PCDHGB3: variants seen among roughly 807,000 people sequenced by gnomAD.
PCDHGB3 encodes the protein protocadherin gamma-B3.
A neutral mutation model predicts 59.2 loss-of-function variants in PCDHGB3; 40 were observed. The observed-to-expected ratio is 0.68, with a 90% CI of 0.52 to 0.88. The LOEUF (loss-of-function observed/expected upper bound fraction) is 0.88, where lower values mean the gene tolerates loss of function less well. Ranked by LOEUF, PCDHGB3 falls within the 40% of genes least tolerant of loss-of-function variation. The pLI, the probability that PCDHGB3 is intolerant of heterozygous loss-of-function variation, is 0.00. For missense variants in PCDHGB3, 1,309 were observed against 1,187.9 expected, an observed-to-expected ratio of 1.10 and a Z score of -1.50; for synonymous variants, 581 against 503.6, an observed-to-expected ratio of 1.15 and a Z score of -2.06.
At chr5:141,394,596 G>A (rs1485546922) in intron 1 of PCDHGB3, 2 of 1,613,702 alleles carry the variant, frequency 1.2e-6, no homozygotes, top group Non-Finnish European at 1.7e-6. Flanking sequence ...GGTGGCGGTG[G>A]ACAGAGACTC....
Position 141,370,997 on chromosome 5 carries a change from C to T in PCDHGB3, c.603C>T (p.Asp201=). 3.1e-6 allele frequency: 5 copies of T among 1,613,984 alleles called. No individual in the cohort carries two copies. The highest frequency in any genetic ancestry group is 4.2e-6 in the Non-Finnish European group (5 of 1,179,900). ...YPELVLKAPL[D]REEQPHHHLV... Reference sequence around the variant, plus strand: ...AGCTAGTACTGAAAGCACCCCTGGACAGGGAAGAGCAGCCACATCACCACC... The same window carrying T: ...AGCTAGTACTGAAAGCACCCCTGGATAGGGAAGAGCAGCCACATCACCACC... The change falls in exon 1 of 4, where the codon GAC becomes GAT. Residue 201 remains aspartate (D), a synonymous_variant. Coordinates refer to ENST00000576222, the MANE Select transcript of PCDHGB3 (RefSeq NM_018924.5).
intron 1 of PCDHGB3, chr5:141,417,635 G>C (rs1195744332): frequency 1.4e-6 from 1 of 724,902 alleles, no homozygotes; most frequent in Non-Finnish European, 2.1e-6. Flanking sequence ...CTGACGCCGG[G>C]GATCCCTCAG....
chr5:141,496,287 C>T (rs768553690), intron 2 of PCDHGB3, among the ~76,000 whole-genome samples: 3 of 152,200 alleles, frequency 2.0e-5, no homozygotes, highest in Non-Finnish European at 4.4e-5. Flanking sequence ...TTGGTCTGAG[C>T]AGAGTGGGAT....
chr5:141,405,333 CTGTT>C (rs1203111813), intron 1 of PCDHGB3: 18 of 1,614,204 alleles, frequency 1.1e-5, no homozygotes, highest in Non-Finnish European at 1.4e-5. Flanking sequence ...TTGTGCGTCT[CTGTT>C]GATTCCAAGT....
intron 1 of PCDHGB3, chr5:141,419,467 C>T: frequency 6.2e-7 from 1 of 1,612,476 alleles, no homozygotes; most frequent in Non-Finnish European, 8.5e-7. Context: ...AGGCCCGCGA[C>T]CAGGGCTCGC....
intron 1 of PCDHGB3, chr5:141,415,110 C>A: frequency 6.2e-7 from 1 of 1,613,666 alleles, no homozygotes; most frequent in Middle Eastern, 1.7e-4. Flanking sequence ...TCAAGCAAAG[C>A]CTCGTAGTGG....
chr5:141,450,851 G>T (rs1184272833), intron 1 of PCDHGB3, among the ~76,000 whole-genome samples: 1 of 142,602 alleles, frequency 7.0e-6, no homozygotes, highest in Non-Finnish European at 1.5e-5. Context: ...TTGAGATGGG[G>T]TCTTGCTCTG....
chr5:141,427,129 T>A lies in PCDHGB3; in HGVS notation c.2415+54320T>A, dbSNP rs752552669. ...GAGATCACCTACTCTTTCAAATCCC[T>A]ACGAGATGATATTGGAAATATGTTT... On this transcript the variant is annotated intron_variant, in intron 1 of 3. Coordinates refer to ENST00000576222, the MANE Select transcript of PCDHGB3 (RefSeq NM_018924.5). 125 of 457,106 alleles carry A rather than the reference T, an allele frequency of 2.7e-4. 2 individuals are homozygous for A. Among genetic ancestry groups the A allele is most frequent in the Non-Finnish European group, 4.0e-5 (9 of 227,024 alleles). The allele number at this position is 457,106 out of a possible 1,614,324, so 28.3% of individuals were successfully genotyped here.
chr5:141,442,317 A>T (rs1257883989), intron 1 of PCDHGB3: 2 of 152,400 alleles, frequency 1.3e-5, no homozygotes, highest in Admixed American at 6.5e-5. Context: ...ACGGATGTCT[A>T]TCCCGCGCTA....
At chr5:141,415,114 G>C (rs186848544) in intron 1 of PCDHGB3, 1 of 1,613,648 alleles carries the variant, frequency 6.2e-7, no homozygotes, top group Non-Finnish European at 8.5e-7. Flanking sequence ...GCAAAGCCTC[G>C]TAGTGGCCGT....
chr5:141,445,025 C>T (rs2154560886), intron 1 of PCDHGB3, among the ~76,000 whole-genome samples: 2 of 152,200 alleles, frequency 1.3e-5, no homozygotes, highest in Middle Eastern at 6.8e-3. Flanking sequence ...TTTCTCTCAG[C>T]TATGTTGTAT....
chr5:141,423,101 G>A (rs757127033), intron 1 of PCDHGB3: 3 of 1,613,966 alleles, frequency 1.9e-6, no homozygotes, highest in South Asian at 1.1e-5. Context: ...GAGCACACGG[G>A]CGAGGTGCGT....
In PCDHGB3 at chr5:141,399,918, C is replaced by T. The variant is rs1163309827; in HGVS notation, c.2415+27109C>T. On this transcript the variant is annotated intron_variant, in intron 1 of 3. Coordinates refer to ENST00000576222, the MANE Select transcript of PCDHGB3 (RefSeq NM_018924.5). ...CCGTGGACGCAGACTCAGGACACAA[C>T]GCCTGGCTGTCCTACCACGTGCTGC... The T allele has an allele frequency of 4.3e-6, 7 of 1,612,240 alleles. No individual in the cohort carries two copies. In the East Asian group the frequency reaches 8.9e-5, roughly 21 times the overall value.
At chr5:141,460,924 A>ATATG (rs1561985817) in intron 1 of PCDHGB3, among the ~76,000 whole-genome samples, 10 of 150,588 alleles carry the variant, frequency 6.6e-5, no homozygotes, top group East Asian at 3.9e-4. Flanking sequence ...ATATATATAT[A>ATATG]TGTGTGTGTG....
chr5:141,408,777 C>T (rs1019825842), intron 1 of PCDHGB3: 22 of 1,611,714 alleles, frequency 1.4e-5, no homozygotes, highest in Non-Finnish European at 1.8e-5. Context: ...GGCAAATACC[C>T]AGAGTTATCT....
chr5:141,473,763 GGATTTGGT>G (rs1358359618), intron 1 of PCDHGB3, among the ~76,000 whole-genome samples: 73 of 152,322 alleles, frequency 4.8e-4, no homozygotes, highest in African/African-American at 1.7e-3. Context: ...ACTATGCAAA[GGATTTGGT>G]ATTTTAATTC....
chr5:141,485,993 A>C lies in PCDHGB3; in HGVS notation c.2416-8814A>C. 6.2e-7 allele frequency: 1 copy of C among 1,614,210 alleles called. No homozygotes were observed. Among genetic ancestry groups the C allele is most frequent in the Non-Finnish European group, 8.5e-7 (1 of 1,180,028 alleles). On this transcript the variant is annotated intron_variant, in intron 1 of 3. Coordinates refer to ENST00000576222, the MANE Select transcript of PCDHGB3 (RefSeq NM_018924.5). The surrounding 1 kb of genome is among the most constrained non-coding windows in gnomAD (Gnocchi z 5.7). ...TGCCTCAGACCCGGACCTGGGTCCC[A>C]GTGGTAACGTCACCTTTTATTTCAG...
At position 141,487,493 on chromosome 5, in the gene PCDHGB3, C is replaced by A. The variant is rs1372433097; in HGVS notation, c.2416-7314C>A. 5.6e-6 allele frequency: 9 copies of A among 1,614,050 alleles called. No individual in the cohort carries two copies. The highest frequency in any genetic ancestry group is 6.8e-6 in the Non-Finnish European group (8 of 1,180,034). On this transcript the variant is annotated intron_variant, in intron 1 of 3. Coordinates refer to ENST00000576222, the MANE Select transcript of PCDHGB3 (RefSeq NM_018924.5). This position sits in a 1 kb window ranked among gnomAD's most constrained non-coding sequence, Gnocchi z 5.0. ...GGGAGGCCACTCTCATGGCTGTACACCCTTGGCTTCTGCACCCACTCGGAG... is the reference window on the plus strand; with the variant it reads ...GGGAGGCCACTCTCATGGCTGTACAACCTTGGCTTCTGCACCCACTCGGAG...
chr5:141,413,283 C>A lies in PCDHGB3; in HGVS notation c.2415+40474C>A, dbSNP rs377443382. On this transcript the variant is annotated intron_variant, in intron 1 of 3. Coordinates refer to ENST00000576222, the MANE Select transcript of PCDHGB3 (RefSeq NM_018924.5). ...GGGAGGCTGGAGCCCGGCAGATCTC[C>A]TACTCAATTCCTGAGGAATTAGAGA... The A allele has an allele frequency of 3.6e-5, 58 of 1,613,848 alleles. No individual in the cohort carries two copies. The African/African-American group carries it at 7.6e-4, about 21-fold the overall frequency.
Sources: allele counts gnomAD v4.1 joint callset (sites outside exome capture counted in the v4.1 genomes callset), GRCh38; gene constraint gnomAD v4.1.1; non-coding constraint Gnocchi (gnomAD v3.1); transcripts MANE v1.5; gene names NCBI Gene and HGNC (gene_info 2026-07-23, HGNC 2026-07-21).